Variants in RBFOX1 observed in about 807,000 individuals in gnomAD.
The protein encoded by RBFOX1 is RNA binding protein fox-1 homolog 1.
RBFOX1 carries 8 observed loss-of-function variants against 57.7 expected under a neutral mutation model. That is an observed-to-expected ratio of 0.14 (90% CI 0.08 to 0.25). The LOEUF is 0.25. RBFOX1 is among the 10% of genes least tolerant of loss of function. RBFOX1 has a pLI of 1.00. For missense variants in RBFOX1, 611 were observed against 548.5 expected (o/e 1.11, Z -1.14); for synonymous variants, 326 against 222.4 (o/e 1.47, Z -4.15).
intron 1 of RBFOX1, among the ~76,000 whole-genome samples, chr16:5,398,467 G>C (rs937444983): frequency 2.0e-5 from 3 of 152,056 alleles, no homozygotes; most frequent in Non-Finnish European, 4.4e-5. Context: ...GTATGCATGT[G>C]TGTGAATTGC....
At chr16:5,585,168 T>C (rs1344343149) in intron 2 of RBFOX1, among the ~76,000 whole-genome samples, 1 of 152,196 alleles carries the variant, frequency 6.6e-6, no homozygotes. Flanking sequence ...CTACTCCCCA[T>C]CCTGCCCTCC....
chr16:5,305,709 CTGGG>C (rs2063916254), intron 1 of RBFOX1, among the ~76,000 whole-genome samples: 1 of 152,172 alleles, frequency 6.6e-6, no homozygotes, highest in Non-Finnish European at 1.5e-5. Flanking sequence ...ATGGACACTT[CTGGG>C]TGGTGGGCAG....
intron 3 of RBFOX1, among the ~76,000 whole-genome samples, chr16:5,623,857 T>C (rs1297094759): frequency 1.3e-5 from 2 of 152,284 alleles, no homozygotes; most frequent in Middle Eastern, 3.4e-3. Context: ...TATTGAGATA[T>C]CATTCATATA....
Position 7,508,267 on chromosome 16 carries a change from C to T in RBFOX1, c.28-9880C>T, listed in dbSNP as rs191134390. ...TGCTGGGATTACAAGCGTGAGCCAC[C>T]GCGCCCGGCCAGTTGTTTTGTTGTT... On this transcript the variant is annotated intron_variant, in intron 4 of 15. Transcript: ENST00000550418. 2.6e-5 allele frequency among the ~76,000 whole-genome samples: 4 copies of T among 151,796 alleles called. 1 individual carries two copies. Among genetic ancestry groups the T allele is most frequent in the African/African-American group, 7.3e-5 (3 of 41,376 alleles).
At chr16:7,300,198 A>G (rs1185568949) in intron 4 of RBFOX1, among the ~76,000 whole-genome samples, 1 of 152,020 alleles carries the variant, frequency 6.6e-6, no homozygotes, top group African/African-American at 2.4e-5. Context: ...TCTTCTCTGT[A>G]TTACTTACTT....
intron 3 of RBFOX1, among the ~76,000 whole-genome samples, chr16:6,871,131 C>G (rs1567649234): frequency 1.3e-5 from 2 of 152,170 alleles, no homozygotes; most frequent in African/African-American, 4.8e-5. Context: ...GATGAAGGTT[C>G]CTTTCTTTTG....
At chr16:5,492,444 C>T (rs1055135824) in intron 2 of RBFOX1, among the ~76,000 whole-genome samples, 5 of 152,072 alleles carry the variant, frequency 3.3e-5, no homozygotes, top group South Asian at 2.1e-4. Flanking sequence ...AATCACAAAC[C>T]GCGATGAGTG....
intron 12 of RBFOX1, among the ~76,000 whole-genome samples, chr16:7,661,520 C>T (rs2067721514): frequency 6.6e-6 from 1 of 152,226 alleles, no homozygotes; most frequent in Non-Finnish European, 1.5e-5. Context: ...TCTCTCGTCT[C>T]TGCTGCTGGC....
intron 1 of RBFOX1, among the ~76,000 whole-genome samples, chr16:6,102,894 G>GT (rs576286450): frequency 3.4e-4 from 52 of 151,926 alleles, no homozygotes; most frequent in African/African-American, 1.0e-3. Flanking sequence ...GTCATTTGGG[G>GT]TTTTTTTTAG....
intron 3 of RBFOX1, among the ~76,000 whole-genome samples, chr16:7,028,595 C>T (rs1440611674): frequency 7.1e-5 from 2 of 28,074 alleles, no homozygotes; most frequent in African/African-American, 4.7e-4. Context: ...CACACACACA[C>T]ACACACACAC....
At chr16:7,576,853 C>A (rs1270458318) in intron 5 of RBFOX1, among the ~76,000 whole-genome samples, 2 of 152,134 alleles carry the variant, frequency 1.3e-5, no homozygotes, top group African/African-American at 4.8e-5. Context: ...ACGGGAACTT[C>A]TAACAGGATG....
chr16:6,935,557 A>C (rs1489089837), intron 3 of RBFOX1, among the ~76,000 whole-genome samples: 1 of 152,198 alleles, frequency 6.6e-6, no homozygotes, highest in Non-Finnish European at 1.5e-5. Context: ...TTTGCAGCCA[A>C]GATCTGTTAT....
chr16:6,388,722 A>G (rs1014046708), intron 2 of RBFOX1, among the ~76,000 whole-genome samples: 1 of 152,144 alleles, frequency 6.6e-6, no homozygotes, highest in African/African-American at 2.4e-5. Context: ...CTTGGATGAC[A>G]GAGCGAGATG....
At chr16:6,389,609 A>T (rs984861618) in intron 2 of RBFOX1, among the ~76,000 whole-genome samples, 1 of 152,088 alleles carries the variant, frequency 6.6e-6, no homozygotes, top group Admixed American at 6.6e-5. Context: ...TACCTAAACT[A>T]TGGTGTGAGG....
chr16:7,307,407 C>G (rs1336244309), intron 4 of RBFOX1, among the ~76,000 whole-genome samples: 1 of 152,234 alleles, frequency 6.6e-6, no homozygotes, highest in Non-Finnish European at 1.5e-5. Flanking sequence ...GCATCGGAGT[C>G]TACTCTGAAT....
intron 1 of RBFOX1, among the ~76,000 whole-genome samples, chr16:5,404,027 G>T (rs1210778910): frequency 6.8e-6 from 1 of 146,984 alleles, no homozygotes; most frequent in Non-Finnish European, 1.5e-5. Flanking sequence ...CAGGTTTGGT[G>T]CAGAGGACAG....
At chr16:7,591,595 C>T (rs1446592112) in intron 7 of RBFOX1, among the ~76,000 whole-genome samples, 1 of 152,140 alleles carries the variant, frequency 6.6e-6, no homozygotes, top group Admixed American at 6.5e-5. Context: ...CTGATTATAC[C>T]TGCTCATGAC....
chr16:7,159,160 C>T (rs928034846), intron 4 of RBFOX1, among the ~76,000 whole-genome samples: 4 of 152,086 alleles, frequency 2.6e-5, no homozygotes, highest in Admixed American at 1.3e-4. Flanking sequence ...GCATACTGCC[C>T]TGGAGATTGT....
At chr16:6,551,723 A>G (rs530145331) in intron 2 of RBFOX1, among the ~76,000 whole-genome samples, 3 of 152,296 alleles carry the variant, frequency 2.0e-5, no homozygotes, top group East Asian at 1.9e-4. Context: ...TAATGTATCC[A>G]TGTCTGATGA....
Sources: gnomAD v4.1 joint callset for allele counts (sites outside exome capture counted in the v4.1 genomes callset) on GRCh38, gnomAD v4.1.1 for gene constraint, MANE v1.5 for transcripts, NCBI Gene and HGNC (gene_info 2026-07-23, HGNC 2026-07-21) for gene names.